The following ARB2A variants were observed in gnomAD, a reference collection of about 807,000 sequenced individuals.
The protein encoded by ARB2A is ARB2 cotranscriptional regulator A.
chr5:93,771,721 G>A, the ARB2A span, among the ~76,000 whole-genome samples: 3 of 152,268 alleles, frequency 2.0e-5, no homozygotes, highest in East Asian at 1.9e-4. Context: ...ACCATCACTG[G>A]CCATCAGAGA....
At chr5:94,039,759 A>G in the ARB2A span, among the ~76,000 whole-genome samples, 3 of 152,106 alleles carry the variant, frequency 2.0e-5, no homozygotes, top group Non-Finnish European at 4.4e-5. Context: ...TGGCAACCAT[A>G]GAAGGGACTA....
chr5:93,765,956 T>A, the ARB2A span, among the ~76,000 whole-genome samples: 741 of 152,102 alleles, frequency 4.9e-3, 1 homozygote, highest in African/African-American at 8.3e-3. Flanking sequence ...CCTATTTAAT[T>A]AATGGTGCTG....
At chr5:93,858,869 G>A in the ARB2A span, among the ~76,000 whole-genome samples, 1 of 152,086 alleles carries the variant, frequency 6.6e-6, no homozygotes, top group Non-Finnish European at 1.5e-5. Context: ...GGGGAAAGAA[G>A]AGGAAAAAGA....
chr5:94,004,485 G>A, the ARB2A span, among the ~76,000 whole-genome samples: 1 of 152,026 alleles, frequency 6.6e-6, no homozygotes, highest in South Asian at 2.1e-4. Context: ...GGGAGGCTGA[G>A]GCAGGAGAAT....
At chr5:94,050,974 T>C in the ARB2A span, 29 of 607,926 alleles carry the variant, frequency 4.8e-5, no homozygotes, top group East Asian at 8.3e-4. Context: ...TTTCTTCAGA[T>C]GTCACTATGA....
At chr5:94,068,573 T>C in the ARB2A span, among the ~76,000 whole-genome samples, 1 of 152,192 alleles carries the variant, frequency 6.6e-6, no homozygotes, top group African/African-American at 2.4e-5. Flanking sequence ...TCCAGATCAC[T>C]GTCCCTCCCC....
At chr5:93,909,083 A>G in the ARB2A span, among the ~76,000 whole-genome samples, 1 of 151,108 alleles carries the variant, frequency 6.6e-6, no homozygotes, top group Non-Finnish European at 1.5e-5. Flanking sequence ...AATTGTGAAT[A>G]AGAAGTATAC....
the ARB2A span, among the ~76,000 whole-genome samples, chr5:93,934,687 T>C: frequency 1.3e-5 from 2 of 152,188 alleles, no homozygotes; most frequent in Non-Finnish European, 2.9e-5. Context: ...TATTGTGCTT[T>C]GGCCTGTCAG....
At chr5:93,885,035 T>C in the ARB2A span, among the ~76,000 whole-genome samples, 4 of 151,420 alleles carry the variant, frequency 2.6e-5, no homozygotes, top group South Asian at 2.1e-4. Context: ...TCAAAGAAAA[T>C]AGAGTAAAAC....
chr5:93,761,459 C>T, the ARB2A span, among the ~76,000 whole-genome samples: 27,055 of 152,176 alleles, frequency 0.18, 2,728 homozygotes, highest in Middle Eastern at 0.28. Flanking sequence ...TCGCTCATTG[C>T]TAGCACAGCA....
the ARB2A span, among the ~76,000 whole-genome samples, chr5:93,773,472 A>G: frequency 6.6e-6 from 1 of 152,228 alleles, no homozygotes; most frequent in Admixed American, 6.5e-5. Context: ...TACTATGATC[A>G]CCTAATTCAG....
At chr5:93,836,031 A>T in the ARB2A span, among the ~76,000 whole-genome samples, 149 of 150,956 alleles carry the variant, frequency 9.9e-4, no homozygotes, top group South Asian at 3.4e-3. Context: ...GAAAGAAAAA[A>T]TTTTTTTTTT....
the ARB2A span, among the ~76,000 whole-genome samples, chr5:93,957,707 C>A: frequency 6.6e-6 from 1 of 151,944 alleles, no homozygotes; most frequent in Non-Finnish European, 1.5e-5. Flanking sequence ...AATCTATTAA[C>A]CAAAATGTTT....
the ARB2A span, among the ~76,000 whole-genome samples, chr5:93,873,935 C>CT: frequency 6.6e-6 from 1 of 152,158 alleles, no homozygotes; most frequent in African/African-American, 2.4e-5. Context: ...ATGAATTCTA[C>CT]TTTACTTTCT....
At chr5:93,646,885 T>C in the ARB2A span, among the ~76,000 whole-genome samples, 2 of 152,192 alleles carry the variant, frequency 1.3e-5, no homozygotes, top group Non-Finnish European at 2.9e-5. Flanking sequence ...GAATAATAGT[T>C]ACCACTTGAA....
At chr5:93,835,647 C>T in the ARB2A span, among the ~76,000 whole-genome samples, 1 of 152,140 alleles carries the variant, frequency 6.6e-6, no homozygotes, top group Non-Finnish European at 1.5e-5. Flanking sequence ...TCAAATCTAA[C>T]CTTTGTGACT....
chr5:93,772,007 G>T, the ARB2A span, among the ~76,000 whole-genome samples: 1 of 152,146 alleles, frequency 6.6e-6, no homozygotes, highest in Non-Finnish European at 1.5e-5. Flanking sequence ...ACATGCACAC[G>T]TATGTTTACT....
chr5:94,061,848 T>C, the ARB2A span, among the ~76,000 whole-genome samples: 2 of 152,208 alleles, frequency 1.3e-5, no homozygotes, highest in African/African-American at 4.8e-5. Context: ...ATATTATAGA[T>C]ATCAATTCTC....
the ARB2A span, among the ~76,000 whole-genome samples, chr5:93,707,919 A>C: frequency 6.6e-6 from 1 of 152,084 alleles, no homozygotes; most frequent in Non-Finnish European, 1.5e-5. Context: ...TATTTGGAAG[A>C]CTTTTACTTT....
Sources: allele counts gnomAD v4.1 joint callset (sites outside exome capture counted in the v4.1 genomes callset), GRCh38; gene constraint gnomAD v4.1.1; transcripts MANE v1.5; gene names NCBI Gene and HGNC (gene_info 2026-07-23, HGNC 2026-07-21).